The following IPO11 variants were observed in gnomAD, a reference collection of about 807,000 sequenced individuals.
The protein encoded by IPO11 is importin-11.
A neutral mutation model predicts 143.2 loss-of-function variants in IPO11; 66 were observed. The observed-to-expected ratio is 0.46, with a 90% CI of 0.38 to 0.57. IPO11 has a LOEUF of 0.57. Ranked by LOEUF, IPO11 falls within the 20% of genes least tolerant of loss-of-function variation. The pLI is 0.00. For synonymous variants in IPO11, 385 were observed against 377.8 expected, an observed-to-expected ratio of 1.02 and a Z score of -0.22; for missense variants, 1,026 against 1,141.0, an observed-to-expected ratio of 0.90 and a Z score of 1.45.
intron 28 of IPO11, among the ~76,000 whole-genome samples, chr5:62,592,751 T>C (rs1167584803): frequency 6.6e-6 from 1 of 151,924 alleles, no homozygotes; most frequent in Non-Finnish European, 1.5e-5. Flanking sequence ...AGAAGTGCTG[T>C]GCAAAAGGGG....
chr5:62,556,506 AG>A (rs1743580542), intron 26 of IPO11, among the ~76,000 whole-genome samples: 1 of 152,090 alleles, frequency 6.6e-6, no homozygotes, highest in Non-Finnish European at 1.5e-5. Context: ...TGAGAAGTCT[AG>A]GTGAGAGGAT....
intron 29 of IPO11, among the ~76,000 whole-genome samples, chr5:62,616,223 A>G (rs1746128077): frequency 6.6e-6 from 1 of 152,136 alleles, no homozygotes; most frequent in South Asian, 2.1e-4. Flanking sequence ...GAAGCAGTTA[A>G]TCTGTAGGTA....
At position 62,435,158 on chromosome 5, in the gene IPO11, ATATG is replaced by A. The variant is rs1449557154; in HGVS notation, c.-6-2112_-6-2109del. On this transcript the variant is annotated intron_variant, in intron 1 of 29. Coordinates refer to ENST00000325324, the MANE Select transcript of IPO11 (RefSeq NM_016338.5). ...TATGTATATATGTATATATGTATAT[ATATG>A]TATATATATGTATATATGTATATAT... 3.5e-5 allele frequency among the ~76,000 whole-genome samples: 4 copies of A among 113,500 alleles called. No homozygotes were observed. In the South Asian group the frequency reaches 7.8e-4, roughly 22 times the overall value. 74.5% of individuals were successfully genotyped at this position (113,500 alleles called of 152,430 possible).
rs1746362856 is a variant in IPO11 at position 62,485,409 on chromosome 5, T to G, written c.1175-10T>G. Reference sequence around the variant, plus strand: ...TTGAAAATGTCATTATTACATATTTTTAATTGCAGCAGTGGAAGAAACAGG... The same window carrying G: ...TTGAAAATGTCATTATTACATATTTGTAATTGCAGCAGTGGAAGAAACAGG... On this transcript the variant is annotated splice_polypyrimidine_tract_variant and intron_variant, in intron 11 of 29. Transcript: ENST00000325324. 6.2e-7 allele frequency: 1 copy of G among 1,601,738 alleles called. No individual in the cohort carries two copies. Among genetic ancestry groups the G allele is most frequent in the South Asian group, 1.1e-5 (1 of 90,700 alleles).
At chr5:62,421,390 A>T (rs1743510050) in intron 1 of IPO11, among the ~76,000 whole-genome samples, 1 of 152,242 alleles carries the variant, frequency 6.6e-6, no homozygotes, top group Admixed American at 6.5e-5. Flanking sequence ...CATTAGGCAG[A>T]TAGGCTGTGA....
At chr5:62,528,572 G>A (rs1392116533) in intron 21 of IPO11, among the ~76,000 whole-genome samples, 1 of 152,170 alleles carries the variant, frequency 6.6e-6, no homozygotes, top group Admixed American at 6.6e-5. Context: ...CAGAGCTCAA[G>A]TGGAGGGGGT....
At chr5:62,623,695 A>G (rs1187520519) in intron 29 of IPO11, among the ~76,000 whole-genome samples, 2 of 142,934 alleles carry the variant, frequency 1.4e-5, no homozygotes, top group Non-Finnish European at 3.0e-5. Context: ...TGCCCAGGCT[A>G]GAGTGCAGTG....
At chr5:62,588,767 T>C (rs1159159590) in intron 27 of IPO11, among the ~76,000 whole-genome samples, 1 of 152,190 alleles carries the variant, frequency 6.6e-6, no homozygotes, top group Non-Finnish European at 1.5e-5. Flanking sequence ...GTGTAAAATA[T>C]AGCAACTAAA....
intron 22 of IPO11, among the ~76,000 whole-genome samples, chr5:62,532,801 T>C (rs1036652667): frequency 6.6e-6 from 1 of 152,262 alleles, no homozygotes; most frequent in African/African-American, 2.4e-5. Context: ...GTACTATTAC[T>C]GTCACTATTA....
At chr5:62,437,812 A>G (rs1744295651) in intron 2 of IPO11, among the ~76,000 whole-genome samples, 1 of 152,136 alleles carries the variant, frequency 6.6e-6, no homozygotes, top group Admixed American at 6.6e-5. Context: ...CGTGTATTTC[A>G]CTTTAAAATG....
At chr5:62,523,731 C>T (rs1022609094) in intron 20 of IPO11, among the ~76,000 whole-genome samples, 6 of 152,072 alleles carry the variant, frequency 3.9e-5, no homozygotes, top group Non-Finnish European at 7.4e-5. Flanking sequence ...TGAGTTGGTT[C>T]AGTATTAGAA....
At chr5:62,551,410 G>A in intron 26 of IPO11, 74 bp downstream of exon 26, 1 of 814,304 alleles carries the variant, frequency 1.2e-6, no homozygotes, top group Non-Finnish European at 2.0e-6. Context: ...ATGAAATAAT[G>A]AGTCTTTGTA....
At chr5:62,573,429 T>C (rs1005227192) in intron 27 of IPO11, among the ~76,000 whole-genome samples, 1 of 152,208 alleles carries the variant, frequency 6.6e-6, no homozygotes, top group Non-Finnish European at 1.5e-5. Flanking sequence ...CCTTTCTGAC[T>C]GTATACTCCT....
chr5:62,531,779 A>C (rs1342486902), intron 22 of IPO11, among the ~76,000 whole-genome samples: 2 of 152,188 alleles, frequency 1.3e-5, no homozygotes, highest in Non-Finnish European at 2.9e-5. Context: ...AGTTCTTCAC[A>C]TTTTCTCCTA....
intron 24 of IPO11, among the ~76,000 whole-genome samples, chr5:62,546,474 G>A (rs1244759950): frequency 2.6e-5 from 4 of 152,134 alleles, no homozygotes. Context: ...GGGAGGGATA[G>A]CATTAGGAGA....
intron 20 of IPO11, among the ~76,000 whole-genome samples, chr5:62,523,402 A>G (rs1333114448): frequency 6.6e-6 from 1 of 152,194 alleles, no homozygotes; most frequent in African/African-American, 2.4e-5. Flanking sequence ...AGGCTAAGCG[A>G]ACATCTCTTG....
intron 29 of IPO11, among the ~76,000 whole-genome samples, chr5:62,621,270 C>T (rs892247570): frequency 1.3e-5 from 2 of 152,200 alleles, no homozygotes; most frequent in Middle Eastern, 3.4e-3. Context: ...TCTTGTCACA[C>T]GACCAGGAAG....
intron 5 of IPO11, among the ~76,000 whole-genome samples, chr5:62,465,833 A>ACAG (rs887021398): frequency 1.3e-5 from 2 of 152,248 alleles, no homozygotes; most frequent in African/African-American, 4.8e-5. Flanking sequence ...GGAAGCACCT[A>ACAG]CAGGTGCCAG....
chr5:62,584,089 A>G (rs1241778966), intron 27 of IPO11, among the ~76,000 whole-genome samples: 7 of 152,214 alleles, frequency 4.6e-5, no homozygotes, highest in South Asian at 4.1e-4. Context: ...TTAGAAATCA[A>G]TAGTATTTAT....
Sources: gnomAD v4.1 joint callset for allele counts (sites outside exome capture counted in the v4.1 genomes callset) on GRCh38, gnomAD v4.1.1 for gene constraint, MANE v1.5 for transcripts, NCBI Gene and HGNC (gene_info 2026-07-23, HGNC 2026-07-21) for gene names.